PCDH15: variants seen among roughly 807,000 people sequenced by gnomAD.
PCDH15 encodes protocadherin related 15.
In PCDH15, 129 loss-of-function variants were observed where a neutral mutation model predicts 178.5. That is an observed-to-expected ratio of 0.72 (90% CI 0.63 to 0.84). The LOEUF is 0.84. PCDH15 is among the 40% of genes least tolerant of loss of function. The probability of loss-of-function intolerance (pLI) is 0.00; values close to 1 mark genes in which losing one functional copy is unlikely to be tolerated. For missense variants in PCDH15, 2,230 were observed against 2,099.9 expected, an observed-to-expected ratio of 1.06 and a Z score of -1.21; for synonymous variants, 800 against 732.0, an observed-to-expected ratio of 1.09 and a Z score of -1.50.
chr10:55,624,300 G>A (rs933052190), intron 2 of PCDH15, among the ~76,000 whole-genome samples: 1 of 151,714 alleles, frequency 6.6e-6, no homozygotes, highest in African/African-American at 2.4e-5. Flanking sequence ...GATTATTAGA[G>A]CTTCAATAAA....
chr10:55,254,952 T>TA (rs1362823492), intron 1 of PCDH15, among the ~76,000 whole-genome samples: 12 of 41,364 alleles, frequency 2.9e-4, no homozygotes, highest in Admixed American at 6.0e-4. Context: ...TTAAGTCTTT[T>TA]CTTTTTTTTT....
chr10:55,139,408 A>T (rs947770953), intron 2 of PCDH15, among the ~76,000 whole-genome samples: 1 of 151,532 alleles, frequency 6.6e-6, no homozygotes, highest in African/African-American at 2.4e-5. Context: ...AAAGTCTTAT[A>T]GTTTTGTATT....
At chr10:55,553,688 C>T (rs1342931844) in intron 2 of PCDH15, among the ~76,000 whole-genome samples, 3 of 151,630 alleles carry the variant, frequency 2.0e-5, no homozygotes, top group African/African-American at 7.3e-5. Context: ...ATTTTTTTGT[C>T]TCAAAAATTA....
At chr10:54,546,662 T>G (rs1339421821) in intron 2 of PCDH15, among the ~76,000 whole-genome samples, 2 of 152,202 alleles carry the variant, frequency 1.3e-5, no homozygotes, top group East Asian at 3.8e-4. Context: ...CAATATAACG[T>G]AAGAAACACT....
intron 2 of PCDH15, among the ~76,000 whole-genome samples, chr10:54,902,142 T>A (rs1954648061): frequency 6.6e-6 from 1 of 152,182 alleles, no homozygotes; most frequent in African/African-American, 2.4e-5. Flanking sequence ...AAGAATGAAT[T>A]TTATTTTATA....
intron 3 of PCDH15, among the ~76,000 whole-genome samples, chr10:54,442,819 T>A (rs1323335787): frequency 6.6e-6 from 1 of 151,422 alleles, no homozygotes; most frequent in Non-Finnish European, 1.5e-5. Flanking sequence ...GTGTTGGCTT[T>A]CAGTAGTAAA....
At chr10:55,199,431 A>C (rs2132156696) in intron 1 of PCDH15, among the ~76,000 whole-genome samples, 1 of 152,210 alleles carries the variant, frequency 6.6e-6, no homozygotes, top group East Asian at 1.9e-4. Flanking sequence ...GTTGCTTATA[A>C]AAGCCAATGC....
At chr10:54,372,071 T>C (rs894935639) in intron 4 of PCDH15, among the ~76,000 whole-genome samples, 2 of 151,958 alleles carry the variant, frequency 1.3e-5, no homozygotes, top group Non-Finnish European at 2.9e-5. Flanking sequence ...TTTTAAGGCA[T>C]GTCCAGCATA....
intron 1 of PCDH15, among the ~76,000 whole-genome samples, chr10:54,696,055 A>G (rs1407024350): frequency 6.6e-6 from 1 of 152,018 alleles, no homozygotes; most frequent in African/African-American, 2.4e-5. Flanking sequence ...TAAGAAATAC[A>G]TTTCACAAGA....
intron 8 of PCDH15, among the ~76,000 whole-genome samples, chr10:54,286,638 CT>C: frequency 6.7e-6 from 1 of 149,820 alleles, no homozygotes; most frequent in Non-Finnish European, 1.5e-5. Context: ...ATTTTTTTTT[CT>C]TTTTTGAAAG....
chr10:54,247,833 A>C (rs999550751), intron 8 of PCDH15, among the ~76,000 whole-genome samples: 1 of 150,058 alleles, frequency 6.7e-6, no homozygotes, highest in African/African-American at 2.5e-5. Flanking sequence ...GCACCACTGC[A>C]CTCCAGCCTG....
chr10:55,160,749 C>T (rs1244070785), intron 2 of PCDH15, among the ~76,000 whole-genome samples: 1 of 152,072 alleles, frequency 6.6e-6, no homozygotes, highest in Non-Finnish European at 1.5e-5. Flanking sequence ...TCGCCACCTC[C>T]TTTTCCTTAT....
At chr10:54,673,526 C>T (rs966571946) in intron 1 of PCDH15, among the ~76,000 whole-genome samples, 1 of 152,080 alleles carries the variant, frequency 6.6e-6, no homozygotes, top group Non-Finnish European at 1.5e-5. Flanking sequence ...GCGACCTCCT[C>T]CTCCTGGGTT....
In PCDH15 at chr10:53,803,416, TTAAA is replaced by T. The variant is rs1261817538; in HGVS notation, c.*3159_*3162del. On this transcript the variant is annotated 3_prime_UTR_variant, in exon 38 of 38. Transcript: ENST00000644397. ...CTGGCTCTATGATATAAAAATGTTT[TTAAA>T]TAATATTTTAATGGTAACTACTGAA... The T allele has an allele frequency of 1.6e-4, 25 of 151,948 alleles. No individual in the cohort carries two copies. Among genetic ancestry groups the T allele is most frequent in the Admixed American group, 1.5e-3 (23 of 15,216 alleles). 9.4% of individuals were successfully genotyped at this position (151,948 alleles called of 1,614,324 possible). A position where few individuals can be genotyped will look rare whatever the true frequency, so the allele number is the denominator to read the frequency against.
At chr10:54,969,105 G>T (rs1838867982) in intron 2 of PCDH15, among the ~76,000 whole-genome samples, 1 of 150,818 alleles carries the variant, frequency 6.6e-6, no homozygotes, top group African/African-American at 2.4e-5. Context: ...CTACTTAATG[G>T]GTCACAATTT....
rs975749935 is a variant in PCDH15 at position 55,126,928 on chromosome 10, T to A, written c.-80+39648A>T. 7.2e-5 allele frequency among the ~76,000 whole-genome samples: 11 copies of A among 151,990 alleles called. No homozygotes were observed. In the South Asian group the frequency reaches 2.3e-3, roughly 32 times the overall value. ...TTGCAAAAAAAAAAAATGTTTTATT[T>A]CTAGTTGATAAAAAGGCCATACTCT... On this transcript the variant is annotated intron_variant, in intron 2 of 5. Coordinates refer to the PCDH15 transcript ENST00000458638.
intron 2 of PCDH15, among the ~76,000 whole-genome samples, chr10:55,516,894 A>G (rs1480697110): frequency 6.6e-6 from 1 of 152,098 alleles, no homozygotes; most frequent in Admixed American, 6.6e-5. Flanking sequence ...GTAATTTTAT[A>G]TCAGCTAATG....
chr10:55,070,271 TGTTTA>T, intron 2 of PCDH15, among the ~76,000 whole-genome samples: 3 of 152,318 alleles, frequency 2.0e-5, no homozygotes, highest in African/African-American at 7.2e-5. Flanking sequence ...GTGCAGAAGC[TGTTTA>T]GTTTAATTAG....
intron 28 of PCDH15, among the ~76,000 whole-genome samples, chr10:53,847,010 G>A (rs2078019712): frequency 1.3e-5 from 2 of 151,994 alleles, no homozygotes; most frequent in Non-Finnish European, 2.9e-5. Context: ...TCTGCTGGTG[G>A]CTGGTAGACG....
Sources: allele counts gnomAD v4.1 joint callset (sites outside exome capture counted in the v4.1 genomes callset), GRCh38; gene constraint gnomAD v4.1.1; transcripts MANE v1.5; gene names NCBI Gene and HGNC (gene_info 2026-07-23, HGNC 2026-07-21).